AGO3: variants seen among roughly 807,000 people sequenced by gnomAD.
The protein encoded by AGO3 is argonaute RISC catalytic component 3.
AGO3 carries 16 observed loss-of-function variants against 105.5 expected under a neutral mutation model. That is an observed-to-expected ratio of 0.15 (90% CI 0.10 to 0.23). The LOEUF (loss-of-function observed/expected upper bound fraction) is 0.23. Ranked by LOEUF, AGO3 falls within the 10% of genes least tolerant of loss-of-function variation. The pLI, the probability that AGO3 is intolerant of heterozygous loss-of-function variation, is 1.00. For missense variants in AGO3, 534 were observed against 1,088.0 expected (o/e 0.49, Z 7.16); for synonymous variants, 340 against 367.3 (o/e 0.93, Z 0.85).
In AGO3 at chr1:36,006,765, G is replaced by A. The variant is rs112608743; in HGVS notation, c.794-1925G>A. ...AAAAATTACTACTCACTGATTCAAG[G>A]AGGAGCACTTCCAAAGAAAAACAAA... On this transcript the variant is annotated intron_variant, in intron 6 of 18. Transcript: ENST00000373191. Among the ~76,000 whole-genome samples the A allele has an allele frequency of 8.2e-3, 1,244 of 152,168 alleles. 12 individuals carry two copies. Among genetic ancestry groups the A allele is most frequent in the African/African-American group, 0.028 (1,167 of 41,500 alleles).
intron 17 of AGO3, among the ~76,000 whole-genome samples, chr1:36,050,767 G>A (rs1252032679): frequency 6.6e-6 from 1 of 151,042 alleles, no homozygotes; most frequent in Non-Finnish European, 1.5e-5. Flanking sequence ...ACTCCAGCCT[G>A]GGTGACTGAG....
chr1:35,990,686 A>C lies in AGO3; in HGVS notation c.659-13655A>C, dbSNP rs78240440. The stretch of plus-strand genomic sequence containing the variant: ...GTTCACACTGCTGCTTTTGCAAGGA[A>C]AACATTTCTAGTAAATAAAAATTTC... On this transcript the variant is annotated intron_variant, in intron 5 of 18. Transcript: ENST00000373191. Among the ~76,000 whole-genome samples, 1,014 of 152,290 alleles carry C rather than the reference A, an allele frequency of 6.7e-3. 8 individuals are homozygous for C. Among genetic ancestry groups the C allele is most frequent in the African/African-American group, 0.023 (962 of 41,546 alleles).
intron 14 of AGO3, among the ~76,000 whole-genome samples, chr1:36,037,229 G>T (rs1333824840): frequency 6.6e-6 from 1 of 152,136 alleles, no homozygotes; most frequent in Non-Finnish European, 1.5e-5. Flanking sequence ...TAAACTGTAA[G>T]ATTTAATTGG....
At chr1:36,045,229 AT>A (rs869214688) in intron 17 of AGO3, among the ~76,000 whole-genome samples, 191 of 145,110 alleles carry the variant, frequency 1.3e-3, no homozygotes, top group Non-Finnish European at 1.2e-3. Flanking sequence ...AAACAACTAC[AT>A]TTTTTTTTTT....
At chr1:36,054,493 C>T (rs1642849435) in intron 17 of AGO3, among the ~76,000 whole-genome samples, 1 of 152,022 alleles carries the variant, frequency 6.6e-6, no homozygotes. Context: ...GCAGGCTGGT[C>T]TTGAACTCCT....
At chr1:36,038,088 T>C (rs1267184371) in intron 14 of AGO3, among the ~76,000 whole-genome samples, 1 of 152,046 alleles carries the variant, frequency 6.6e-6, no homozygotes, top group Middle Eastern at 3.2e-3. Flanking sequence ...CATAGTATAA[T>C]AGGTGTTATC....
intron 11 of AGO3, among the ~76,000 whole-genome samples, chr1:36,021,012 A>G (rs1641191313): frequency 6.6e-6 from 1 of 151,926 alleles, no homozygotes. Flanking sequence ...GGCTCATTAC[A>G]ACCTCTGCCT....
At chr1:36,009,721 A>G (rs962268311) in intron 9 of AGO3, 127 bp downstream of exon 9, 1 of 987,552 alleles carries the variant, frequency 1.0e-6, no homozygotes, top group Non-Finnish European at 1.4e-6. Flanking sequence ...AAAAGCAATC[A>G]TGGAAGTAAT....
intron 2 of AGO3, 103 bp downstream of exon 2, chr1:35,945,966 T>A (rs986753481): frequency 1.7e-6 from 2 of 1,205,580 alleles, no homozygotes; most frequent in Non-Finnish European, 2.3e-6. Flanking sequence ...TGTAACAGTT[T>A]GACCAAAAAC....
intron 2 of AGO3, among the ~76,000 whole-genome samples, chr1:35,964,455 C>T (rs1463828260): frequency 6.6e-6 from 1 of 152,140 alleles, no homozygotes; most frequent in African/African-American, 2.4e-5. Context: ...AGTACATGAT[C>T]TTGTTCTTTT....
intron 17 of AGO3, among the ~76,000 whole-genome samples, chr1:36,052,717 C>T (rs949765461): frequency 2.6e-5 from 4 of 152,080 alleles, no homozygotes; most frequent in South Asian, 2.1e-4. Flanking sequence ...ATAGTATCTT[C>T]TAGGGATTAA....
intron 2 of AGO3, among the ~76,000 whole-genome samples, chr1:35,951,305 T>C (rs1646466594): frequency 6.6e-6 from 1 of 152,256 alleles, no homozygotes; most frequent in Non-Finnish European, 1.5e-5. Context: ...TCATTTTTAC[T>C]ACTGTTACTG....
intron 2 of AGO3, among the ~76,000 whole-genome samples, chr1:35,948,362 C>T (rs1646406983): frequency 1.3e-5 from 2 of 151,892 alleles, no homozygotes; most frequent in African/African-American, 2.4e-5. Context: ...GGATTATAGG[C>T]ACCTGCCACC....
intron 3 of AGO3, among the ~76,000 whole-genome samples, chr1:35,967,603 GATGGGGTTTCGCC>G (rs1646799076): frequency 6.6e-6 from 1 of 151,960 alleles, no homozygotes; most frequent in Non-Finnish European, 1.5e-5. Flanking sequence ...TTGTAGTAGA[GATGGGGTTTCGCC>G]ATGTTGGCCA....
At chr1:35,937,231 G>A (rs934664608) in intron 1 of AGO3, among the ~76,000 whole-genome samples, 8 of 152,060 alleles carry the variant, frequency 5.3e-5, no homozygotes, top group African/African-American at 1.2e-4. Flanking sequence ...GTGAAACCTC[G>A]TCTCTACTAA....
At chr1:36,030,695 G>C (rs771502650) in intron 12 of AGO3, among the ~76,000 whole-genome samples, 17 of 152,106 alleles carry the variant, frequency 1.1e-4, no homozygotes, top group Non-Finnish European at 1.6e-4. Context: ...TGCCTGGGCT[G>C]GTCTCGAACT....
In AGO3 at chr1:36,072,364, C is replaced by A. The variant is rs1339504157; in HGVS notation, c.*16619C>A. ...ACTACTCTTTTTTCTGCCATTCTGC[C>A]TACTGGAGAGTTCTATGTTGTATTT... On this transcript the variant is annotated 3_prime_UTR_variant, in exon 19 of 19. Coordinates refer to ENST00000373191, the MANE Select transcript of AGO3 (RefSeq NM_024852.4). 1 of 152,172 alleles carries A rather than the reference C, an allele frequency of 6.6e-6. No homozygotes were observed. Among genetic ancestry groups the A allele is most frequent in the Non-Finnish European group, 1.5e-5 (1 of 68,036 alleles). The allele number at this position is 152,172 out of a possible 1,614,324, so 9.4% of individuals were successfully genotyped here.
chr1:35,981,634 G>C (rs1327982602), intron 5 of AGO3, among the ~76,000 whole-genome samples: 1 of 152,106 alleles, frequency 6.6e-6, no homozygotes, highest in Non-Finnish European at 1.5e-5. Flanking sequence ...CTGTAAGTTC[G>C]AAACTACTTC....
Position 35,931,237 on chromosome 1 carries a change from C to G in AGO3, c.-190C>G, listed in dbSNP as rs980421530. The stretch of plus-strand genomic sequence containing the variant: ...CCCTTCCTCTCGCCTAGTCCTGTGC[C>G]GTTTTCCGTCCGCGACTCTTCCGGC... On this transcript the variant is annotated 5_prime_UTR_variant, in exon 1 of 19. Transcript: ENST00000373191. 2.2e-4 allele frequency: 99 copies of G among 448,790 alleles called. No homozygotes were observed. Among genetic ancestry groups the G allele is most frequent in the Non-Finnish European group, 3.4e-4 (86 of 250,538 alleles). The allele number at this position is 448,790 out of a possible 1,614,324, so 27.8% of individuals were successfully genotyped here.
Sources: allele counts gnomAD v4.1 joint callset (sites outside exome capture counted in the v4.1 genomes callset), GRCh38; gene constraint gnomAD v4.1.1; transcripts MANE v1.5; gene names NCBI Gene and HGNC (gene_info 2026-07-23, HGNC 2026-07-21).